CNTN4: variants seen among roughly 807,000 people sequenced by gnomAD.
The protein encoded by CNTN4 is contactin-4.
Under a neutral mutation model 122.5 loss-of-function variants are expected in CNTN4, and 77 were observed. The ratio of observed to expected loss-of-function variants is 0.63; its 90% CI spans 0.52 to 0.76. CNTN4 has a LOEUF of 0.76. Ranked by LOEUF, CNTN4 falls within the 30% of genes least tolerant of loss-of-function variation. The pLI is 0.00. For synonymous variants in CNTN4, 512 were observed against 447.0 expected, an observed-to-expected ratio of 1.15 and a Z score of -1.83; for missense variants, 1,256 against 1,259.1, an observed-to-expected ratio of 1.00 and a Z score of 0.04.
chr3:2,669,308 G>A (rs1408788148), intron 4 of CNTN4, among the ~76,000 whole-genome samples: 7 of 152,124 alleles, frequency 4.6e-5, no homozygotes, highest in Non-Finnish European at 1.0e-4. Flanking sequence ...CTTCTTCCTG[G>A]TTTAGTCTTG....
intron 3 of CNTN4, among the ~76,000 whole-genome samples, chr3:2,343,902 C>G (rs896718320): frequency 3.3e-5 from 5 of 152,126 alleles, no homozygotes; most frequent in African/African-American, 9.7e-5. Context: ...TGGTGACAGC[C>G]TCAGGAAACT....
chr3:2,995,554 T>C (rs975366553), intron 14 of CNTN4, among the ~76,000 whole-genome samples: 4 of 152,232 alleles, frequency 2.6e-5, no homozygotes, highest in Non-Finnish European at 5.9e-5. Flanking sequence ...ACTCTGTCTT[T>C]CGTAGCAAAG....
rs60879017 is a variant in CNTN4 at position 2,466,970 on chromosome 3, C to CTT, written c.-88-104430_-88-104429dup. Among the ~76,000 whole-genome samples, 729 of 115,764 alleles carry CTT rather than the reference C, an allele frequency of 6.3e-3. 5 individuals are homozygous for CTT. Among genetic ancestry groups the CTT allele is most frequent in the African/African-American group, 0.022 (649 of 29,648 alleles). The allele number at this position is 115,764 out of a possible 152,430, so 75.9% of individuals were successfully genotyped here. A position where few individuals can be genotyped will look rare whatever the true frequency, so the allele number is the denominator to read the frequency against. The stretch of plus-strand genomic sequence containing the variant: ...TTTTTCTTTCTTTCTTTCTTTCTTT[C>CTT]TTTTTTTTTTTTTTTTTGCATTTCC... On this transcript the variant is annotated intron_variant, in intron 3 of 24. Transcript: ENST00000418658.
intron 4 of CNTN4, among the ~76,000 whole-genome samples, chr3:2,608,641 C>G (rs1297942129): frequency 1.3e-5 from 2 of 152,254 alleles, no homozygotes; most frequent in African/African-American, 4.8e-5. Flanking sequence ...GCCACCATGC[C>G]TGGCTAATTT....
chr3:2,945,260 G>A (rs2094663921), intron 13 of CNTN4, among the ~76,000 whole-genome samples: 1 of 152,156 alleles, frequency 6.6e-6, no homozygotes, highest in Non-Finnish European at 1.5e-5. Flanking sequence ...AATGTCTTAT[G>A]TTAGCCAATT....
intron 3 of CNTN4, among the ~76,000 whole-genome samples, chr3:2,493,642 T>C (rs2076376600): frequency 6.6e-6 from 1 of 152,020 alleles, no homozygotes; most frequent in South Asian, 2.1e-4. Context: ...ATATCCTTTA[T>C]TTCTTTGTAC....
At chr3:2,564,600 A>G (rs1056434076) in intron 3 of CNTN4, among the ~76,000 whole-genome samples, 1 of 152,170 alleles carries the variant, frequency 6.6e-6, no homozygotes, top group African/African-American at 2.4e-5. Flanking sequence ...CCCGTCTTCT[A>G]TTCATGAGGA....
intron 13 of CNTN4, among the ~76,000 whole-genome samples, chr3:2,980,127 A>G (rs761067864): frequency 6.6e-5 from 10 of 152,242 alleles, no homozygotes; most frequent in Non-Finnish European, 1.5e-4. Flanking sequence ...GATAGATTCA[A>G]TTTATCTCCT....
At chr3:2,966,798 A>G (rs1391316331) in intron 13 of CNTN4, among the ~76,000 whole-genome samples, 2 of 152,230 alleles carry the variant, frequency 1.3e-5, no homozygotes, top group African/African-American at 4.8e-5. Context: ...ATGAAGAAAG[A>G]ATAAATAAAA....
At chr3:2,146,048 A>T (rs2035233291) in intron 2 of CNTN4, among the ~76,000 whole-genome samples, 1 of 151,794 alleles carries the variant, frequency 6.6e-6, no homozygotes, top group African/African-American at 2.4e-5. Context: ...ATAGTTACAT[A>T]AATTTAGAAA....
At chr3:2,274,401 AC>A in intron 2 of CNTN4, among the ~76,000 whole-genome samples, 1 of 150,924 alleles carries the variant, frequency 6.6e-6, no homozygotes, top group African/African-American at 2.4e-5. Flanking sequence ...AAACAAACAA[AC>A]AAACAAACAA....
At chr3:2,660,833 A>G (rs113724584) in intron 4 of CNTN4, among the ~76,000 whole-genome samples, 1,554 of 152,352 alleles carry the variant, frequency 0.01, 29 homozygotes, top group African/African-American at 0.035. Flanking sequence ...ACGTCAGAGC[A>G]GGACAAAGAA....
chr3:2,849,496 T>C (rs1217271868), intron 7 of CNTN4, among the ~76,000 whole-genome samples: 1 of 152,218 alleles, frequency 6.6e-6, no homozygotes, highest in African/African-American at 2.4e-5. Context: ...TTTTGGTGAC[T>C]TCTGGATTTT....
At chr3:2,484,581 A>C (rs1432635046) in intron 3 of CNTN4, among the ~76,000 whole-genome samples, 1 of 152,242 alleles carries the variant, frequency 6.6e-6, no homozygotes, top group Non-Finnish European at 1.5e-5. Flanking sequence ...ACTTCAGCAC[A>C]GGACCAATGT....
chr3:2,101,233 T>C (rs1421733429), intron 2 of CNTN4, among the ~76,000 whole-genome samples: 1 of 152,196 alleles, frequency 6.6e-6, no homozygotes, highest in African/African-American at 2.4e-5. Flanking sequence ...TCTTTTCCGA[T>C]CTAAGCACTA....
chr3:2,631,872 A>AAAAAC (rs1282031486), intron 4 of CNTN4, among the ~76,000 whole-genome samples: 2 of 148,380 alleles, frequency 1.3e-5, no homozygotes, highest in East Asian at 3.9e-4. Flanking sequence ...CTACAAAAAA[A>AAAAAC]AAAAAACAAA....
At chr3:2,668,748 T>C (rs2150355189) in intron 4 of CNTN4, among the ~76,000 whole-genome samples, 2 of 152,330 alleles carry the variant, frequency 1.3e-5, no homozygotes, top group African/African-American at 4.8e-5. Context: ...ATAGTTCTTA[T>C]TATTTTGAGA....
intron 3 of CNTN4, among the ~76,000 whole-genome samples, chr3:2,475,755 G>A (rs2075819198): frequency 6.6e-6 from 1 of 152,110 alleles, no homozygotes; most frequent in South Asian, 2.1e-4. Context: ...CCTGTTTATT[G>A]AGTTTTCTCA....
chr3:2,696,418 A>G (rs145033440), intron 4 of CNTN4, among the ~76,000 whole-genome samples: 20 of 152,312 alleles, frequency 1.3e-4, no homozygotes, highest in African/African-American at 4.8e-4. Context: ...ATGCACTTAT[A>G]AAAGAGGCTT....
Sources: gnomAD v4.1 joint callset for allele counts (sites outside exome capture counted in the v4.1 genomes callset) on GRCh38, gnomAD v4.1.1 for gene constraint, MANE v1.5 for transcripts, NCBI Gene and HGNC (gene_info 2026-07-23, HGNC 2026-07-21) for gene names.